The following FREM1 variants were observed in gnomAD, a reference collection of about 807,000 sequenced individuals.
FREM1 encodes the protein FRAS1-related extracellular matrix protein 1.
A neutral mutation model predicts 210.1 loss-of-function variants in FREM1; 220 were observed. That is an observed-to-expected ratio of 1.05 (90% CI 0.94 to 1.17). The LOEUF (loss-of-function observed/expected upper bound fraction) is 1.17, where lower values mean the gene tolerates loss of function less well. Among genes scored for constraint, FREM1 ranks in the 50% most tolerant of loss-of-function variants. FREM1 has a pLI of 0.00. For synonymous variants in FREM1, 1,189 were observed against 980.2 expected (o/e 1.21, Z -3.98); for missense variants, 3,454 against 2,675.5 (o/e 1.29, Z -6.42).
Position 14,842,334 on chromosome 9 carries a change from GC to G in FREM1, c.1719del (p.Lys573AsnfsTer6). ...AACTTACCTATCAGTCCTGGCCCTG[GC>G]TTCTTCATGATCTCCCCAGCCTGTG... The part of the protein sequence containing the change: ...KPPQAGEIMK[K>X]PGPGLIGYPV... On this transcript the variant is annotated frameshift_variant, in exon 9 of 37. Transcript: ENST00000380880. LOFTEE classifies it high-confidence loss of function. The G allele has an allele frequency of 1.9e-6, 3 of 1,588,750 alleles. No homozygotes were observed. Among genetic ancestry groups the G allele is most frequent in the Non-Finnish European group, 2.6e-6 (3 of 1,165,920 alleles).
intron 1 of FREM1, among the ~76,000 whole-genome samples, chr9:14,894,590 T>A (rs538828815): frequency 6.6e-6 from 1 of 152,264 alleles, no homozygotes; most frequent in Non-Finnish European, 1.5e-5. Context: ...ACTGAACTAA[T>A]AGAAGACTGA....
At chr9:14,792,026 G>A (rs566024853) in intron 22 of FREM1, among the ~76,000 whole-genome samples, 1 of 152,106 alleles carries the variant, frequency 6.6e-6, no homozygotes, top group Admixed American at 6.5e-5. Context: ...TGCATTTTTA[G>A]TAGAGATGGG....
At chr9:14,794,692 G>C (rs1852023171) in intron 21 of FREM1, among the ~76,000 whole-genome samples, 1 of 152,170 alleles carries the variant, frequency 6.6e-6, no homozygotes, top group African/African-American at 2.4e-5. Flanking sequence ...ACTTTTAAGG[G>C]AGCATCTTTA....
intron 19 of FREM1, among the ~76,000 whole-genome samples, chr9:14,803,218 T>C (rs1221339641): frequency 9.1e-6 from 1 of 110,024 alleles, no homozygotes; most frequent in African/African-American, 3.2e-5. Flanking sequence ...TCTTTCTCTT[T>C]TCTTTCTCTT....
At chr9:14,761,211 C>T (rs1034536787) in intron 27 of FREM1, among the ~76,000 whole-genome samples, 3 of 152,148 alleles carry the variant, frequency 2.0e-5, no homozygotes, top group Non-Finnish European at 4.4e-5. Flanking sequence ...TGTGTCCACA[C>T]TGATCATGTG....
rs780241090 is a variant in FREM1, at chr9:14,841,593, T to C, written c.1739-4A>G. ...AGGAAGCCATGGACAGGATAGCCTA[T>C]TGGGTCCATAAAACACCACATACTT... On this transcript the variant is annotated splice_polypyrimidine_tract_variant and splice_region_variant and intron_variant, in intron 9 of 36. Transcript: ENST00000380880. 7.0e-6 allele frequency: 11 copies of C among 1,582,660 alleles called. No homozygotes were observed. Among genetic ancestry groups the C allele is most frequent in the Non-Finnish European group, 9.5e-6 (11 of 1,159,844 alleles).
intron 1 of FREM1, among the ~76,000 whole-genome samples, chr9:14,873,863 T>A (rs962329377): frequency 6.6e-6 from 1 of 152,238 alleles, no homozygotes; most frequent in Non-Finnish European, 1.5e-5. Flanking sequence ...TTCTGGTATG[T>A]TTTGTCTTTG....
At chr9:14,875,636 C>G (rs747178546) in intron 1 of FREM1, among the ~76,000 whole-genome samples, 1 of 152,162 alleles carries the variant, frequency 6.6e-6, no homozygotes, top group Non-Finnish European at 1.5e-5. Context: ...TCCTGTAGCT[C>G]TAAGTAGTTT....
intron 2 of FREM1, among the ~76,000 whole-genome samples, chr9:14,866,180 C>T (rs571903219): frequency 6.6e-6 from 1 of 152,254 alleles, no homozygotes; most frequent in African/African-American, 2.4e-5. Flanking sequence ...TGTGGTTTCT[C>T]CTCTATACTG....
rs199731115 is a variant in FREM1, at chr9:14,819,441, G to A, written c.2339C>T (p.Ala780Val). ...ILPVDNQVPE[A>V]FTNPLKVTEG... The stretch of plus-strand genomic sequence containing the variant: ...AGTCACTTTCAGAGGGTTGGTGAAC[G>A]CCTAGAAAGAAGAAAGGAAGGAAAC... Residue 780 changes from alanine (A) to valine (V), a missense_variant and splice_region_variant, in exon 14 of 37, where the codon GCG becomes GTG. Transcript: ENST00000380880. 5.1e-5 allele frequency: 81 copies of A among 1,601,928 alleles called. 1 individual carries two copies. The highest frequency in any genetic ancestry group is 3.3e-4 in the Middle Eastern group (2 of 6,044).
chr9:14,814,480 C>T (rs1819944217), intron 15 of FREM1, among the ~76,000 whole-genome samples: 2 of 152,106 alleles, frequency 1.3e-5, no homozygotes, highest in South Asian at 4.1e-4. Flanking sequence ...GGCTAAAACT[C>T]TAAAACAAAT....
At chr9:14,773,031 T>C (rs1383866918) in intron 25 of FREM1, among the ~76,000 whole-genome samples, 1 of 152,218 alleles carries the variant, frequency 6.6e-6, no homozygotes, top group African/African-American at 2.4e-5. Flanking sequence ...TTATTCAACT[T>C]CTAGCTTTGT....
intron 28 of FREM1, among the ~76,000 whole-genome samples, chr9:14,759,361 T>C (rs1363278585): frequency 6.6e-6 from 1 of 151,634 alleles, no homozygotes; most frequent in African/African-American, 2.4e-5. Flanking sequence ...AATACAAAAA[T>C]TAGCAGGGCC....
At chr9:14,861,497 T>C (rs1351978039) in intron 3 of FREM1, among the ~76,000 whole-genome samples, 1 of 146,158 alleles carries the variant, frequency 6.8e-6, no homozygotes, top group Non-Finnish European at 1.5e-5. Flanking sequence ...CCCTCAAGCA[T>C]TTATCCTTTT....
At chr9:14,759,732 A>G (rs780960990) in intron 28 of FREM1, 40 bp downstream of exon 28, 13 of 1,508,332 alleles carry the variant, frequency 8.6e-6, no homozygotes, top group East Asian at 2.4e-5. Context: ...AAAGAACAAC[A>G]TAAGTTTTAG....
intron 26 of FREM1, 116 bp from the exon 27 acceptor site, chr9:14,769,984 A>C (rs1263175566): frequency 5.5e-6 from 3 of 547,178 alleles, no homozygotes; most frequent in Non-Finnish European, 9.2e-6. Context: ...GCTAAAGTAC[A>C]TTTTAAAACA....
At chr9:14,863,415 A>C (rs2131721246) in intron 3 of FREM1, among the ~76,000 whole-genome samples, 1 of 152,178 alleles carries the variant, frequency 6.6e-6, no homozygotes, top group East Asian at 1.9e-4. Flanking sequence ...TCTGTAACTA[A>C]ACAGCTGGTA....
At chr9:14,757,880 G>A (rs963225015) in intron 28 of FREM1, among the ~76,000 whole-genome samples, 1 of 152,120 alleles carries the variant, frequency 6.6e-6, no homozygotes, top group Non-Finnish European at 1.5e-5. Flanking sequence ...ACAATGCCAA[G>A]GCTCCTCTGG....
intron 1 of FREM1, among the ~76,000 whole-genome samples, chr9:14,907,761 G>A (rs1228239075): frequency 1.3e-5 from 2 of 152,244 alleles, no homozygotes; most frequent in African/African-American, 4.8e-5. Context: ...TATTCTCAGA[G>A]TAAATGCTGA....
Sources: allele counts gnomAD v4.1 joint callset (sites outside exome capture counted in the v4.1 genomes callset), GRCh38; gene constraint gnomAD v4.1.1; transcripts MANE v1.5; gene names NCBI Gene and HGNC (gene_info 2026-07-23, HGNC 2026-07-21).